Variants in CCSER1 observed in about 807,000 individuals in gnomAD.
The protein encoded by CCSER1 is serine-rich coiled-coil domain-containing protein 1.
CCSER1 carries 41 observed loss-of-function variants against 82.0 expected under a neutral mutation model. The observed-to-expected ratio is 0.50, with a 90% CI of 0.39 to 0.65. The LOEUF (loss-of-function observed/expected upper bound fraction) is 0.65. Among genes scored for constraint, CCSER1 ranks in the 30% least tolerant of loss-of-function variants. The pLI is 0.00. For synonymous variants in CCSER1, 414 were observed against 383.9 expected (o/e 1.08, Z -0.92); for missense variants, 1,119 against 1,064.2 (o/e 1.05, Z -0.72).
chr4:91,531,199 C>A (rs74790143), intron 10 of CCSER1, among the ~76,000 whole-genome samples: 1 of 151,996 alleles, frequency 6.6e-6, no homozygotes, highest in Non-Finnish European at 1.5e-5. Flanking sequence ...TGCCTTAATC[C>A]AAAGACTGAG....
At chr4:90,447,633 C>T (rs991484706) in intron 4 of CCSER1, among the ~76,000 whole-genome samples, 11 of 152,108 alleles carry the variant, frequency 7.2e-5, no homozygotes, top group Admixed American at 7.2e-4. Flanking sequence ...AGATTAAAAA[C>T]TAAAACTTGC....
intron 9 of CCSER1, among the ~76,000 whole-genome samples, chr4:91,075,091 T>C (rs1721833113): frequency 6.6e-6 from 1 of 150,776 alleles, no homozygotes; most frequent in African/African-American, 2.4e-5. Context: ...CTGTGTACCT[T>C]AGACAAAGTG....
rs560206967 is a variant in CCSER1, at chr4:91,438,228, C to T, written c.2218-160344C>T. Among the ~76,000 whole-genome samples, 6 of 152,254 alleles carry T rather than the reference C, an allele frequency of 3.9e-5. No individual in the cohort carries two copies. The South Asian group carries it at 1.2e-3, about 32-fold the overall frequency. Reference sequence around the variant, plus strand: ...CCCTGAGCAGCCTAACTGGGAGGCACCCCCCAGTAGGGGCAGACTGACACC... The same window carrying T: ...CCCTGAGCAGCCTAACTGGGAGGCATCCCCCAGTAGGGGCAGACTGACACC... On this transcript the variant is annotated intron_variant, in intron 10 of 10. Coordinates refer to ENST00000509176, the MANE Select transcript of CCSER1 (RefSeq NM_001145065.2).
intron 1 of CCSER1, among the ~76,000 whole-genome samples, chr4:90,222,509 G>T (rs1742334570): frequency 6.6e-6 from 1 of 152,092 alleles, no homozygotes; most frequent in Admixed American, 6.6e-5. Flanking sequence ...GTGGCTTAGT[G>T]TATTGTTTCT....
At chr4:90,836,553 A>T (rs1761831922) in intron 8 of CCSER1, among the ~76,000 whole-genome samples, 1 of 152,224 alleles carries the variant, frequency 6.6e-6, no homozygotes. Context: ...CTATGAAAAT[A>T]AATGAAGTTT....
chr4:90,777,378 C>G (rs2149592377), intron 7 of CCSER1, among the ~76,000 whole-genome samples: 1 of 118,692 alleles, frequency 8.4e-6, no homozygotes, highest in African/African-American at 3.5e-5. Context: ...AAAAAAAAAG[C>G]CTGTAAGCGT....
chr4:91,467,751 A>T (rs553439316), intron 10 of CCSER1, among the ~76,000 whole-genome samples: 112 of 152,340 alleles, frequency 7.4e-4, no homozygotes, highest in Non-Finnish European at 1.1e-3. Flanking sequence ...ACATGAAAAC[A>T]TGCTCATCAT....
intron 8 of CCSER1, among the ~76,000 whole-genome samples, chr4:90,860,887 G>A (rs957572665): frequency 6.6e-6 from 1 of 151,490 alleles, no homozygotes; most frequent in Non-Finnish European, 1.5e-5. Context: ...ATAGTTAATG[G>A]GTATGGAGTA....
chr4:91,028,359 C>T (rs1375167520), intron 9 of CCSER1, among the ~76,000 whole-genome samples: 1 of 151,876 alleles, frequency 6.6e-6, no homozygotes, highest in African/African-American at 2.4e-5. Context: ...GAGATCAAAT[C>T]ATATGTTCAT....
chr4:90,802,649 T>C (rs1756988308), intron 7 of CCSER1, among the ~76,000 whole-genome samples: 1 of 152,188 alleles, frequency 6.6e-6, no homozygotes, highest in Non-Finnish European at 1.5e-5. Flanking sequence ...GTGGTTTTCT[T>C]AACCTTGTTT....
At chr4:91,268,399 A>G (rs990304612) in intron 10 of CCSER1, among the ~76,000 whole-genome samples, 2 of 152,202 alleles carry the variant, frequency 1.3e-5, no homozygotes, top group Admixed American at 6.5e-5. Context: ...AAAGGAAATT[A>G]TCTCACAAAT....
chr4:90,939,420 G>A (rs1022647855), intron 9 of CCSER1, among the ~76,000 whole-genome samples: 1 of 152,134 alleles, frequency 6.6e-6, no homozygotes, highest in Non-Finnish European at 1.5e-5. Flanking sequence ...CCTGATTTCT[G>A]TGTGTCTCTG....
intron 10 of CCSER1, among the ~76,000 whole-genome samples, chr4:91,225,520 G>A (rs1171162649): frequency 6.7e-6 from 1 of 150,296 alleles, no homozygotes; most frequent in Non-Finnish European, 1.5e-5. Flanking sequence ...AAAAGGACAG[G>A]TAATATATTC....
chr4:90,299,094 A>T (rs1732584964), intron 1 of CCSER1, among the ~76,000 whole-genome samples: 2 of 152,044 alleles, frequency 1.3e-5, no homozygotes, highest in Non-Finnish European at 2.9e-5. Flanking sequence ...TTCTAAATAT[A>T]TATCATCATC....
At position 90,546,380 on chromosome 4, in the gene CCSER1, G is replaced by A. The variant is rs945570645; in HGVS notation, c.1724+78026G>A. On this transcript the variant is annotated intron_variant, in intron 5 of 10. Transcript: ENST00000509176. ...ACTAGAGCAAACAGGAAGTAGTGGAGCTAACAGTGTTATATTTCATTGTGT... is the reference window on the plus strand; with the variant it reads ...ACTAGAGCAAACAGGAAGTAGTGGAACTAACAGTGTTATATTTCATTGTGT... Among the ~76,000 whole-genome samples, 30 of 152,086 alleles carry A rather than the reference G, an allele frequency of 2.0e-4. 1 individual carries two copies. The highest frequency in any genetic ancestry group is 1.5e-5 in the Non-Finnish European group (1 of 67,996).
At chr4:91,086,355 C>A in intron 10 of CCSER1, among the ~76,000 whole-genome samples, 1 of 151,976 alleles carries the variant, frequency 6.6e-6, no homozygotes, top group Non-Finnish European at 1.5e-5. Flanking sequence ...TCTAACAATG[C>A]AAATATTTTA....
chr4:90,550,477 C>A (rs1359126830), intron 5 of CCSER1, among the ~76,000 whole-genome samples: 1 of 152,072 alleles, frequency 6.6e-6, no homozygotes, highest in Non-Finnish European at 1.5e-5. Flanking sequence ...GGCAGAAGAA[C>A]TTTTCATTTA....
chr4:90,452,634 A>G (rs538047783), intron 4 of CCSER1, among the ~76,000 whole-genome samples: 1 of 152,312 alleles, frequency 6.6e-6, no homozygotes, highest in East Asian at 1.9e-4. Context: ...TGAGACATAA[A>G]GATTGAACAT....
intron 7 of CCSER1, among the ~76,000 whole-genome samples, chr4:90,799,830 C>T (rs1756554904): frequency 6.6e-6 from 1 of 152,202 alleles, no homozygotes; most frequent in Non-Finnish European, 1.5e-5. Context: ...AAGCATCTCT[C>T]CCTGCCAACA....
Sources: gnomAD v4.1 joint callset for allele counts (sites outside exome capture counted in the v4.1 genomes callset) on GRCh38, gnomAD v4.1.1 for gene constraint, MANE v1.5 for transcripts, NCBI Gene and HGNC (gene_info 2026-07-23, HGNC 2026-07-21) for gene names.